CC2D2B: variants seen among roughly 807,000 people sequenced by gnomAD.
CC2D2B encodes the protein coiled-coil and C2 domain containing 2B, also known as protein CC2D2B.
In CC2D2B, 128 loss-of-function variants were observed where a neutral mutation model predicts 161.2. The observed-to-expected ratio is 0.79, with a 90% CI of 0.69 to 0.92. CC2D2B has a LOEUF of 0.92. CC2D2B is among the 40% of genes least tolerant of loss of function. The probability of loss-of-function intolerance (pLI) is 0.00; values close to 1 mark genes in which losing one functional copy is unlikely to be tolerated. For missense variants in CC2D2B, 1,173 were observed against 1,375.1 expected (o/e 0.85, Z 2.32); for synonymous variants, 391 against 449.8 (o/e 0.87, Z 1.65).
chr10:95,985,255 TTA>T (rs2077673434), intron 19 of CC2D2B, among the ~76,000 whole-genome samples: 1 of 152,210 alleles, frequency 6.6e-6, no homozygotes, highest in Admixed American at 6.5e-5. Flanking sequence ...AATAGACTTA[TTA>T]TGCATATGTG....
At chr10:95,945,889 C>A (rs11188535) in intron 9 of CC2D2B, among the ~76,000 whole-genome samples, 18,281 of 146,302 alleles carry the variant, frequency 0.12, 1,882 homozygotes, top group African/African-American at 0.28. Context: ...GGTTCAAGTA[C>A]TTCTCCTGCC....
At chr10:95,987,030 TAA>T (rs2077756339) in intron 19 of CC2D2B, among the ~76,000 whole-genome samples, 1 of 152,048 alleles carries the variant, frequency 6.6e-6, no homozygotes, top group Non-Finnish European at 1.5e-5. Context: ...TAAAAGTAAA[TAA>T]AGTGATATGA....
In CC2D2B at chr10:95,983,620, G is replaced by A; in HGVS notation, c.2097G>A (p.Lys699=). The A allele has an allele frequency of 8.1e-7, 1 of 1,230,502 alleles. No homozygotes were observed. Among genetic ancestry groups the A allele is most frequent in the Non-Finnish European group, 1.0e-6 (1 of 986,606 alleles). 76.2% of individuals were successfully genotyped at this position (1,230,502 alleles called of 1,614,324 possible). The change falls in exon 19 of 35, where the codon AAG becomes AAA. Residue 699 remains lysine (K), a synonymous_variant. Transcript: ENST00000646931. ...GCGTTTTACAGTACATGAGACTTAA[G>A]GGGCAGGATATTCCAAAGTATTTTC... is the stretch of plus-strand genomic sequence containing the variant. The part of the protein sequence containing the change: ...LMESVTYMRL[K]GQDIPKYFRL...
At chr10:95,976,212 G>A (rs2077306711) in intron 17 of CC2D2B, among the ~76,000 whole-genome samples, 1 of 152,100 alleles carries the variant, frequency 6.6e-6, no homozygotes, top group Non-Finnish European at 1.5e-5. Context: ...TCCTGCCAGA[G>A]TTCTCCTATG....
intron 9 of CC2D2B, among the ~76,000 whole-genome samples, chr10:95,941,313 G>A (rs758763977): frequency 5.9e-5 from 9 of 152,024 alleles, no homozygotes; most frequent in Non-Finnish European, 1.0e-4. Context: ...CACCAAAAGC[G>A]TAGGCAACAA....
chr10:95,983,398 T>C (rs1434895832), intron 18 of CC2D2B, among the ~76,000 whole-genome samples: 1 of 152,144 alleles, frequency 6.6e-6, no homozygotes, highest in South Asian at 2.1e-4. Context: ...TCGTTTTCTT[T>C]GTAAGTCATG....
intron 6 of CC2D2B, among the ~76,000 whole-genome samples, chr10:95,934,436 T>G: frequency 9.3e-6 from 1 of 107,026 alleles, no homozygotes; most frequent in East Asian, 6.7e-4. Context: ...CACTGGGGTA[T>G]GAAAAAAAAA....
chr10:96,027,512 A>G (rs2079834863), intron 34 of CC2D2B, 123 bp downstream of exon 34: 1 of 650,408 alleles, frequency 1.5e-6, no homozygotes. Flanking sequence ...TAGATGCTAT[A>G]GCATTAAAAT....
At chr10:95,975,812 G>C (rs1236296111) in intron 17 of CC2D2B, among the ~76,000 whole-genome samples, 1 of 152,206 alleles carries the variant, frequency 6.6e-6, no homozygotes, top group East Asian at 1.9e-4. Context: ...CATTTTAAGA[G>C]CAAATCTTAC....
chr10:95,917,544 T>C (rs191273251), intron 2 of CC2D2B, among the ~76,000 whole-genome samples: 2 of 152,292 alleles, frequency 1.3e-5, no homozygotes, highest in Non-Finnish European at 2.9e-5. Context: ...TTGCTTTATA[T>C]TTTTTGTGTA....
At chr10:96,019,091 G>A in intron 30 of CC2D2B, 112 bp from the exon 31 acceptor site, 2 of 842,734 alleles carry the variant, frequency 2.4e-6, no homozygotes, top group Non-Finnish European at 3.6e-6. Context: ...ACAGGTATAA[G>A]CCACCACACT....
rs2078001493 is a variant in CC2D2B at position 95,992,658 on chromosome 10, G to A, written c.2603G>A (p.Arg868Lys). 1.6e-6 allele frequency: 2 copies of A among 1,234,196 alleles called. No individual in the cohort carries two copies. Among genetic ancestry groups the A allele is most frequent in the East Asian group, 3.2e-5 (1 of 31,692 alleles). 76.5% of individuals were successfully genotyped at this position (1,234,196 alleles called of 1,614,324 possible). A position where few individuals can be genotyped will look rare whatever the true frequency, so the allele number is the denominator to read the frequency against. ...ATTAAGATTCTTGTCCGAATAGTGA[G>A]GGCCTATAATATTCCTACCAGAAAA... ...GDIKILVRIVRAYNIPTRKTT... is the reference protein window; with the variant it reads ...GDIKILVRIVKAYNIPTRKTT... The change falls in exon 22 of 35, where the codon AGG (arginine) becomes AAG (lysine). Residue 868 changes from arginine (R) to lysine (K), a missense_variant. By Grantham distance (26) the Arg-to-Lys change is conservative. Coordinates refer to ENST00000646931, the MANE Select transcript of CC2D2B (RefSeq NM_001349008.3).
chr10:95,915,848 T>C (rs567931109), intron 2 of CC2D2B, among the ~76,000 whole-genome samples: 2 of 152,324 alleles, frequency 1.3e-5, no homozygotes, highest in East Asian at 3.9e-4. Context: ...ATCAGATACA[T>C]TGGCCTGTAG....
chr10:95,940,442 T>C (rs940956271), intron 9 of CC2D2B, among the ~76,000 whole-genome samples: 1 of 152,202 alleles, frequency 6.6e-6, no homozygotes, highest in Non-Finnish European at 1.5e-5. Context: ...TTAGCACCTT[T>C]TATAGCCTGT....
intron 2 of CC2D2B, chr10:95,920,838 C>A (rs2098525666): frequency 6.6e-6 from 1 of 152,302 alleles, no homozygotes; most frequent in Non-Finnish European, 1.5e-5. Flanking sequence ...AAAATATTAT[C>A]TGGGAGATAG....
chr10:95,981,977 T>C lies in CC2D2B; in HGVS notation c.1946T>C (p.Met649Thr), dbSNP rs531816809. Residue 649 changes from methionine to threonine, a missense_variant and splice_region_variant, in exon 18 of 35, where the codon ATG becomes ACG. Transcript: ENST00000646931. Reference sequence around the variant, plus strand: ...ACAAAATATTTTCTCTATGTTAGTATGTTAAGGAATGTAGATGCAAGAAGT... The same window carrying C: ...ACAAAATATTTTCTCTATGTTAGTACGTTAAGGAATGTAGATGCAAGAAGT... Reference protein sequence around the residue: ...PQSLRSSYCSMLRNVDARSVP... With the variant: ...PQSLRSSYCSTLRNVDARSVP... 2 of 1,225,500 alleles carry C rather than the reference T, an allele frequency of 1.6e-6. No homozygotes were observed. Among genetic ancestry groups the C allele is most frequent in the Non-Finnish European group, 2.0e-6 (2 of 982,248 alleles). 75.9% of individuals were successfully genotyped at this position (1,225,500 alleles called of 1,614,324 possible).
At chr10:95,936,281 T>A (rs1010805021) in intron 6 of CC2D2B, among the ~76,000 whole-genome samples, 1 of 152,236 alleles carries the variant, frequency 6.6e-6, no homozygotes, top group Non-Finnish European at 1.5e-5. Context: ...GCCCTGCAGC[T>A]AGTGACTACT....
At chr10:95,980,908 C>T (rs1487790383) in intron 17 of CC2D2B, among the ~76,000 whole-genome samples, 2 of 152,068 alleles carry the variant, frequency 1.3e-5, no homozygotes, top group Non-Finnish European at 2.9e-5. Context: ...GGATTGTAGT[C>T]CAAATTTCTC....
At chr10:96,019,510 C>G in intron 31 of CC2D2B, 173 bp downstream of exon 31, 1 of 824,082 alleles carries the variant, frequency 1.2e-6, no homozygotes, top group Non-Finnish European at 1.9e-6. Context: ...GTAGTGCCTT[C>G]AAGGATGAGA....
Sources: gnomAD v4.1 joint callset for allele counts (sites outside exome capture counted in the v4.1 genomes callset) on GRCh38, gnomAD v4.1.1 for gene constraint, MANE v1.5 for transcripts, NCBI Gene and HGNC (gene_info 2026-07-23, HGNC 2026-07-21) for gene names.